The following SCUBE2 variants were observed in gnomAD, a reference collection of about 807,000 sequenced individuals.
SCUBE2 encodes signal peptide, CUB domain and EGF like domain containing 2, also known as signal peptide, CUB and EGF-like domain-containing protein 2.
A neutral mutation model predicts 125.9 loss-of-function variants in SCUBE2; 114 were observed. That is an observed-to-expected ratio of 0.91 (90% CI 0.78 to 1.06). The LOEUF (loss-of-function observed/expected upper bound fraction) is 1.06. Ranked by LOEUF, SCUBE2 falls within the 50% of genes least tolerant of loss-of-function variation. The pLI is 0.00. For synonymous variants in SCUBE2, 459 were observed against 492.9 expected, an observed-to-expected ratio of 0.93 and a Z score of 0.91; for missense variants, 1,255 against 1,301.8, an observed-to-expected ratio of 0.96 and a Z score of 0.55.
rs772023426 is a variant in SCUBE2 at position 9,079,398 on chromosome 11, C to A, written c.368G>T (p.Gly123Val). 2 of 1,613,974 alleles carry A rather than the reference C, an allele frequency of 1.2e-6. No individual in the cohort carries two copies. Among genetic ancestry groups the A allele is most frequent in the Non-Finnish European group, 1.7e-6 (2 of 1,179,940 alleles). Residue 123 changes from glycine (G) to valine (V), a missense_variant, in exon 3 of 23, where the codon GGT becomes GTT. Gly to Val is a moderately radical substitution (Grantham distance 109, BLOSUM62 -3). Around this residue, in one of 3 missense-constraint regions of SCUBE2, gnomAD observed 362 missense variants for 323.0 expected, o/e 1.12. Transcript: ENST00000649792. ...GCCTTCCTTACCAAGACAATTATGA[C>A]CGTCATGAGCCAACATGAAGCCATC... The part of the protein sequence containing the change: ...CFDGFMLAHD[G>V]HNCLDVDECL...
At chr11:9,082,509 A>G (rs1196888305) in intron 2 of SCUBE2, among the ~76,000 whole-genome samples, 1 of 152,246 alleles carries the variant, frequency 6.6e-6, no homozygotes, top group Non-Finnish European at 1.5e-5. Context: ...ATGTCTATAC[A>G]AAGACTTTCA....
At chr11:9,080,936 G>A (rs755402230) in intron 2 of SCUBE2, among the ~76,000 whole-genome samples, 22 of 152,004 alleles carry the variant, frequency 1.4e-4, no homozygotes, top group Non-Finnish European at 2.2e-4. Flanking sequence ...CGAAATATTC[G>A]AATAGACATT....
chr11:9,087,538 A>G (rs1862204313), intron 2 of SCUBE2, among the ~76,000 whole-genome samples: 1 of 150,802 alleles, frequency 6.6e-6, no homozygotes, highest in Non-Finnish European at 1.5e-5. Flanking sequence ...AGAGAGAGAA[A>G]GAGAGAGAGA....
chr11:9,069,120 A>G (rs887540169), intron 5 of SCUBE2, among the ~76,000 whole-genome samples: 8 of 152,222 alleles, frequency 5.3e-5, no homozygotes, highest in African/African-American at 1.9e-4. Context: ...CTGCCCCCCA[A>G]CATTCACACT....
At chr11:9,080,897 G>A (rs1272585916) in intron 2 of SCUBE2, among the ~76,000 whole-genome samples, 1 of 151,798 alleles carries the variant, frequency 6.6e-6, no homozygotes, top group African/African-American at 2.4e-5. Context: ...AACTCAATAA[G>A]AAGATAAACA....
chr11:9,084,883 A>C (rs1861931602), intron 2 of SCUBE2, among the ~76,000 whole-genome samples: 1 of 152,190 alleles, frequency 6.6e-6, no homozygotes, highest in Non-Finnish European at 1.5e-5. Context: ...GACTACAGGC[A>C]CACATCACCA....
Position 9,053,705 on chromosome 11 carries a change from G to T in SCUBE2, c.1262C>A (p.Thr421Lys), listed in dbSNP as rs142088363. 5.0e-6 allele frequency: 8 copies of T among 1,614,180 alleles called. No individual in the cohort carries two copies. The highest frequency in any genetic ancestry group is 2.7e-5 in the African/African-American group (2 of 75,058). Residue 421 changes from threonine (T) to lysine (K), a missense_variant, in exon 11 of 23, where the codon ACA (threonine) becomes AAA (lysine). By Grantham distance (78) the Thr-to-Lys change is moderately conservative (BLOSUM62 -1). Around this residue, in one of 3 missense-constraint regions of SCUBE2, gnomAD observed 378 missense variants for 463.1 expected, o/e 0.82. Transcript: ENST00000649792. ...GCACTGGCATTCATAGCTGCCCACTGTGTTCACACAGACCTGCTGACAGCC... is the reference window on the plus strand; with the variant it reads ...GCACTGGCATTCATAGCTGCCCACTTTGTTCACACAGACCTGCTGACAGCC... ...NGGCQQVCVNTVGSYECQCHP... is the reference protein window; with the variant it reads ...NGGCQQVCVNKVGSYECQCHP...
chr11:9,037,991 A>C (rs1364497434), intron 16 of SCUBE2, among the ~76,000 whole-genome samples: 1 of 152,086 alleles, frequency 6.6e-6, no homozygotes, highest in Non-Finnish European at 1.5e-5. Context: ...TTTTCTCTTA[A>C]TGTTATCTAC....
intron 3 of SCUBE2, among the ~76,000 whole-genome samples, chr11:9,075,598 A>G (rs760041743): frequency 6.6e-6 from 1 of 152,210 alleles, no homozygotes; most frequent in Non-Finnish European, 1.5e-5. Context: ...TGAAGTGCCT[A>G]CTTAATTTGG....
rs912542740 is a variant in SCUBE2 at position 9,091,071 on chromosome 11, G to A, written c.133+325C>T. ...TCAGTTTCCCCGCCTACGCTGAGGC[G>A]CGGGACCCCAAGGCCAGGGTCCGCA... is the stretch of plus-strand genomic sequence containing the variant. On this transcript the variant is annotated intron_variant, in intron 1 of 22. Coordinates refer to ENST00000649792, the MANE Select transcript of SCUBE2 (RefSeq NM_001367977.2). The surrounding 1 kb of genome is among the most constrained non-coding windows in gnomAD (Gnocchi z 8.5). Among the ~76,000 whole-genome samples the A allele has an allele frequency of 2.0e-4, 30 of 152,266 alleles. No homozygotes were observed. The highest frequency in any genetic ancestry group is 3.4e-3 in the Middle Eastern group (1 of 294).
intron 16 of SCUBE2, among the ~76,000 whole-genome samples, chr11:9,044,758 C>G (rs929428215): frequency 1.3e-5 from 2 of 152,288 alleles, no homozygotes; most frequent in African/African-American, 4.8e-5. Flanking sequence ...TCTCATCCTT[C>G]TGGCCTTCCT....
At chr11:9,032,975 G>A (rs7109896) in intron 17 of SCUBE2, among the ~76,000 whole-genome samples, 64,070 of 151,884 alleles carry the variant, frequency 0.42, 14,324 homozygotes, top group African/African-American at 0.57. Flanking sequence ...GGAGCAGCAC[G>A]AGGGGTCTTC....
chr11:9,027,386 G>A lies in SCUBE2; in HGVS notation c.2679C>T (p.Asp893=). The change falls in exon 20 of 23, where the codon GAC becomes GAT. Residue 893 remains aspartate, a synonymous_variant. Transcript: ENST00000649792. ...IFLPIEDDCG[D]YLVMRKTSSS... Reference sequence around the variant, plus strand: ...CACAGGTTTTCCGCATCACCAGATAGTCCCCACAGTCGTCCTCTATGGGCA... The same window carrying A: ...CACAGGTTTTCCGCATCACCAGATAATCCCCACAGTCGTCCTCTATGGGCA... 1.2e-6 allele frequency: 2 copies of A among 1,614,054 alleles called. No homozygotes were observed. The highest frequency in any genetic ancestry group is 1.1e-5 in the South Asian group (1 of 91,068).
At chr11:9,058,547 G>C (rs1859334780) in intron 9 of SCUBE2, among the ~76,000 whole-genome samples, 1 of 123,208 alleles carries the variant, frequency 8.1e-6, no homozygotes, top group South Asian at 2.8e-4. Flanking sequence ...AGTGAGCCAA[G>C]ATAGCTCCAC....
intron 2 of SCUBE2, among the ~76,000 whole-genome samples, chr11:9,088,407 G>T (rs1257721909): frequency 6.6e-6 from 1 of 152,200 alleles, no homozygotes; most frequent in Admixed American, 6.5e-5. Flanking sequence ...AGAATTGCTT[G>T]GTCTCACACT....
chr11:9,091,404 G>T lies in SCUBE2; in HGVS notation c.125C>A (p.Pro42Gln). ...VPPGRGRAAGPQEDVDECAQG... is the reference protein window; with the variant it reads ...VPPGRGRAAGQQEDVDECAQG... ...CGCGGCCGGACACTCACCCTCCTGC[G>T]GCCCCGCGGCACGGCCCCGACCCGG... The change falls in exon 1 of 23, where the codon CCG becomes CAG. Residue 42 changes from proline to glutamine, a missense_variant. Transcript: ENST00000649792. This position sits in a 1 kb window ranked among gnomAD's most constrained non-coding sequence, Gnocchi z 8.5. The T allele has an allele frequency of 7.6e-7, 1 of 1,307,538 alleles. No homozygotes were observed. 81.0% of individuals were successfully genotyped at this position (1,307,538 alleles called of 1,614,324 possible).
At chr11:9,033,846 A>T (rs772293707) in intron 16 of SCUBE2, 50 bp from the exon 17 acceptor site, 35 of 1,591,612 alleles carry the variant, frequency 2.2e-5, no homozygotes, top group Admixed American at 1.7e-4. Flanking sequence ...AGGCCAAGGA[A>T]GGATGATGTG....
In SCUBE2 at chr11:9,047,473, G is replaced by C. The variant is rs1857903941; in HGVS notation, c.1885C>G (p.Gln629Glu). 3 of 1,613,958 alleles carry C rather than the reference G, an allele frequency of 1.9e-6. No individual in the cohort carries two copies. The highest frequency in any genetic ancestry group is 1.1e-5 in the South Asian group (1 of 91,078). Residue 629 changes from glutamine to glutamate, a missense_variant, in exon 16 of 23, where the codon CAG becomes GAG. This residue lies in a region of SCUBE2 where 515 missense variants were observed against 515.7 expected (regional missense o/e 1.00). Coordinates refer to ENST00000649792, the MANE Select transcript of SCUBE2 (RefSeq NM_001367977.2). ...ATGCCTGAGAGCTGGAGGTGAAACT[G>C]CTCCCTGTGGACGGCCTTTCTGAGC... ...RTLRKAVHREQFHLQLSGMNL... is the reference protein window; with the variant it reads ...RTLRKAVHREEFHLQLSGMNL...
intron 4 of SCUBE2, among the ~76,000 whole-genome samples, chr11:9,071,209 G>A (rs1860767988): frequency 1.3e-5 from 2 of 152,310 alleles, no homozygotes; most frequent in South Asian, 4.1e-4. Flanking sequence ...CACCTGGAAA[G>A]TACACTCCCA....
Sources: gnomAD v4.1 joint callset for allele counts (sites outside exome capture counted in the v4.1 genomes callset) on GRCh38, gnomAD v4.1.1 for gene constraint, gnomAD v4.1.1 regional missense constraint, Gnocchi (gnomAD v3.1) non-coding constraint, MANE v1.5 for transcripts, NCBI Gene and HGNC (gene_info 2026-07-23, HGNC 2026-07-21) for gene names.